The following ZBTB7C variants were observed in gnomAD, a reference collection of about 807,000 sequenced individuals.
ZBTB7C encodes the protein zinc finger and BTB domain-containing protein 7C.
A neutral mutation model predicts 25.7 loss-of-function variants in ZBTB7C; 8 were observed. The ratio of observed to expected loss-of-function variants is 0.31; its 90% CI spans 0.18 to 0.56. ZBTB7C has a LOEUF of 0.56. Ranked by LOEUF, ZBTB7C falls within the 20% of genes least tolerant of loss-of-function variation. ZBTB7C has a pLI of 0.91. For synonymous variants in ZBTB7C, 394 were observed against 369.0 expected (o/e 1.07, Z -0.78); for missense variants, 824 against 855.2 (o/e 0.96, Z 0.46).
chr18:48,064,885 CA>C (rs1330241809), intron 3 of ZBTB7C, among the ~76,000 whole-genome samples: 1 of 152,176 alleles, frequency 6.6e-6, no homozygotes, highest in Admixed American at 6.5e-5. Flanking sequence ...AGACCTGGAA[CA>C]AAGCAACAAA....
chr18:48,132,698 CT>C (rs2040024148), intron 3 of ZBTB7C, among the ~76,000 whole-genome samples: 2 of 152,190 alleles, frequency 1.3e-5, no homozygotes, highest in East Asian at 3.8e-4. Flanking sequence ...TTCCCTAGGG[CT>C]TATGGATGGC....
intron 4 of ZBTB7C, among the ~76,000 whole-genome samples, chr18:48,034,608 T>C (rs1160921502): frequency 6.6e-6 from 1 of 152,184 alleles, no homozygotes; most frequent in Non-Finnish European, 1.5e-5. Flanking sequence ...TTTCGTACTC[T>C]GCACAACACA....
intron 3 of ZBTB7C, among the ~76,000 whole-genome samples, chr18:48,122,202 T>C (rs1247905927): frequency 6.6e-6 from 1 of 152,190 alleles, no homozygotes; most frequent in Non-Finnish European, 1.5e-5. Context: ...CACAGAGGTG[T>C]GGGCAGCACA....
At chr18:48,146,095 G>A (rs940423648) in intron 3 of ZBTB7C, among the ~76,000 whole-genome samples, 1 of 152,126 alleles carries the variant, frequency 6.6e-6, no homozygotes, top group Admixed American at 6.5e-5. Context: ...TAAAATGCAT[G>A]TGTTGTAAAA....
intron 1 of ZBTB7C, among the ~76,000 whole-genome samples, chr18:48,348,409 A>C (rs79982515): frequency 0.011 from 1,720 of 152,294 alleles, 32 homozygotes; most frequent in African/African-American, 0.039. Context: ...CCTCATTCCA[A>C]AGTGAACCCT....
intron 2 of ZBTB7C, among the ~76,000 whole-genome samples, chr18:48,321,290 G>C (rs915984832): frequency 6.6e-6 from 1 of 152,160 alleles, no homozygotes; most frequent in African/African-American, 2.4e-5. Flanking sequence ...ACAAAGCCCT[G>C]GCTGGTGCAT....
intron 2 of ZBTB7C, among the ~76,000 whole-genome samples, chr18:48,222,641 A>G (rs2042991190): frequency 6.6e-6 from 1 of 152,132 alleles, no homozygotes; most frequent in African/African-American, 2.4e-5. Flanking sequence ...CCATCACATC[A>G]TGTTTCTGGA....
intron 2 of ZBTB7C, among the ~76,000 whole-genome samples, chr18:48,310,730 G>C (rs2045799275): frequency 6.6e-6 from 1 of 152,166 alleles, no homozygotes; most frequent in South Asian, 2.1e-4. Flanking sequence ...TTGTCCCCTG[G>C]CCTCCCCTAG....
chr18:48,204,820 T>C (rs914624142), intron 2 of ZBTB7C, among the ~76,000 whole-genome samples: 4 of 152,178 alleles, frequency 2.6e-5, no homozygotes, highest in African/African-American at 4.8e-5. Flanking sequence ...GAGGCTCCCA[T>C]GGAAACTCAG....
chr18:48,084,219 C>A (rs1036831507), intron 3 of ZBTB7C, among the ~76,000 whole-genome samples: 1 of 152,146 alleles, frequency 6.6e-6, no homozygotes, highest in Admixed American at 6.5e-5. Context: ...GAGGCCTCAC[C>A]CTGGGTCAGA....
chr18:48,135,433 T>G (rs1453806448), intron 3 of ZBTB7C, among the ~76,000 whole-genome samples: 1 of 152,222 alleles, frequency 6.6e-6, no homozygotes, highest in East Asian at 1.9e-4. Context: ...CCTCTGCTAC[T>G]ACCTGGACAA....
intron 1 of ZBTB7C, among the ~76,000 whole-genome samples, chr18:48,348,996 C>T (rs897002177): frequency 6.6e-6 from 1 of 152,124 alleles, no homozygotes; most frequent in African/African-American, 2.4e-5. Flanking sequence ...AGGGAAAAAG[C>T]CCTGAGGGAC....
intron 2 of ZBTB7C, among the ~76,000 whole-genome samples, chr18:48,186,347 C>A (rs1045606953): frequency 6.6e-6 from 1 of 152,240 alleles, no homozygotes; most frequent in Admixed American, 6.5e-5. Flanking sequence ...CAACCCTGCG[C>A]GTGCAGCTCG....
At chr18:48,392,138 G>C (rs2047917253) in intron 1 of ZBTB7C, among the ~76,000 whole-genome samples, 1 of 152,168 alleles carries the variant, frequency 6.6e-6, no homozygotes, top group African/African-American at 2.4e-5. Flanking sequence ...AATCCCAGCA[G>C]GGTGAATTCT....
intron 2 of ZBTB7C, among the ~76,000 whole-genome samples, chr18:48,198,026 A>C (rs1416062813): frequency 6.6e-6 from 1 of 152,106 alleles, no homozygotes; most frequent in Non-Finnish European, 1.5e-5. Context: ...CAGTATTGTG[A>C]TGAGGTAGAT....
intron 2 of ZBTB7C, among the ~76,000 whole-genome samples, chr18:48,307,436 C>G (rs1031001987): frequency 1.3e-5 from 2 of 152,350 alleles, no homozygotes; most frequent in South Asian, 4.1e-4. Flanking sequence ...TGGTCAGGGC[C>G]CATGCCAAGA....
chr18:48,268,219 C>T (rs552569146), intron 2 of ZBTB7C, among the ~76,000 whole-genome samples: 54 of 152,290 alleles, frequency 3.5e-4, no homozygotes, highest in African/African-American at 1.2e-3. Context: ...ACTTCTCCAG[C>T]CCCATGTCAT....
chr18:48,152,655 C>T (rs930509636), intron 3 of ZBTB7C, among the ~76,000 whole-genome samples: 4 of 152,164 alleles, frequency 2.6e-5, no homozygotes, highest in African/African-American at 9.7e-5. Flanking sequence ...AGTCACTGCC[C>T]TCCACAGATG....
chr18:48,107,721 A>G (rs4541147), intron 3 of ZBTB7C, among the ~76,000 whole-genome samples: 2,654 of 152,030 alleles, frequency 0.017, 75 homozygotes, highest in African/African-American at 0.058. Context: ...TGGACAGCGT[A>G]CCCTTCCCCG....
Sources: allele counts gnomAD v4.1 joint callset (sites outside exome capture counted in the v4.1 genomes callset), GRCh38; gene constraint gnomAD v4.1.1; transcripts MANE v1.5; gene names NCBI Gene and HGNC (gene_info 2026-07-23, HGNC 2026-07-21).